VTI1A: variants seen among roughly 807,000 people sequenced by gnomAD.
VTI1A encodes the protein vesicle transport through interaction with t-SNAREs homolog 1A.
VTI1A carries 22 observed loss-of-function variants against 34.9 expected under a neutral mutation model. The ratio of observed to expected loss-of-function variants is 0.63; its 90% confidence interval spans 0.45 to 0.90. VTI1A has a LOEUF of 0.90. VTI1A is among the 40% of genes least tolerant of loss of function. The pLI, the probability that VTI1A is intolerant of heterozygous loss-of-function variation, is 0.00. For synonymous variants in VTI1A, 87 were observed against 97.3 expected (o/e 0.89, Z 0.62); for missense variants, 268 against 275.6 (o/e 0.97, Z 0.20).
intron 7 of VTI1A, chr10:112,737,105 C>T: frequency 3.2e-6 from 1 of 311,486 alleles, no homozygotes; most frequent in East Asian, 4.9e-5. Context: ...AGAGTCTTGC[C>T]CTGTCGCCTG....
At chr10:112,536,994 G>T (rs1337029459) in intron 4 of VTI1A, among the ~76,000 whole-genome samples, 1 of 152,072 alleles carries the variant, frequency 6.6e-6, no homozygotes, top group African/African-American at 2.4e-5. Context: ...AAGTGTGCAT[G>T]TCAATACAGC....
chr10:112,505,343 A>G lies in VTI1A; in HGVS notation c.265-21744A>G, dbSNP rs77268654. 1.7e-3 allele frequency among the ~76,000 whole-genome samples: 253 copies of G among 152,222 alleles called. 1 individual carries two copies. The highest frequency in any genetic ancestry group is 5.7e-3 in the African/African-American group (237 of 41,566). ...GATTTCTATATTTTAATTTTGTAGC[A>G]TGCTACCGTATTAAATTCACTTATT... On this transcript the variant is annotated intron_variant, in intron 3 of 7. Coordinates refer to ENST00000393077, the MANE Select transcript of VTI1A (RefSeq NM_145206.4).
chr10:112,815,982 A>G lies in VTI1A; in HGVS notation c.*599A>G. On this transcript the variant is annotated 3_prime_UTR_variant, in exon 8 of 8. Transcript: ENST00000393077. ...AGCACTTTCCCTGTTTTTCTATTGC[A>G]TAATTTTTTTTTTAACCCAAAGATA... The G allele has an allele frequency of 4.4e-6, 1 of 227,828 alleles. No homozygotes were observed. Among genetic ancestry groups the G allele is most frequent in the East Asian group, 6.3e-5 (1 of 15,846 alleles). 14.1% of individuals were successfully genotyped at this position (227,828 alleles called of 1,614,324 possible). A position where few individuals can be genotyped will look rare whatever the true frequency, so the allele number is the denominator to read the frequency against.
At chr10:112,464,988 A>C (rs1293052514) in intron 3 of VTI1A, among the ~76,000 whole-genome samples, 1 of 152,172 alleles carries the variant, frequency 6.6e-6, no homozygotes, top group Non-Finnish European at 1.5e-5. Context: ...CAGCCTGTAC[A>C]TTTGCAGCTT....
At chr10:112,703,566 C>G (rs1331046935) in intron 7 of VTI1A, among the ~76,000 whole-genome samples, 1 of 143,620 alleles carries the variant, frequency 7.0e-6, no homozygotes, top group African/African-American at 2.6e-5. Context: ...AACTCTGTCT[C>G]AAAAAAAAAA....
At chr10:112,587,706 A>G (rs568446891) in intron 5 of VTI1A, among the ~76,000 whole-genome samples, 1 of 152,278 alleles carries the variant, frequency 6.6e-6, no homozygotes, top group African/African-American at 2.4e-5. Context: ...TACAGATACA[A>G]TTAGAACTAA....
intron 7 of VTI1A, among the ~76,000 whole-genome samples, chr10:112,753,882 G>A (rs546450740): frequency 2.6e-4 from 39 of 152,262 alleles, no homozygotes; most frequent in African/African-American, 8.9e-4. Flanking sequence ...CTTTAGGTCA[G>A]AATGAATCAA....
chr10:112,466,262 A>T (rs923481146), intron 3 of VTI1A, among the ~76,000 whole-genome samples: 4 of 152,210 alleles, frequency 2.6e-5, no homozygotes, highest in Admixed American at 6.5e-5. Context: ...TGTAAGACCA[A>T]CATCAATGGA....
chr10:112,779,828 G>A (rs755555589), intron 7 of VTI1A, among the ~76,000 whole-genome samples: 1 of 152,090 alleles, frequency 6.6e-6, no homozygotes, highest in Non-Finnish European at 1.5e-5. Flanking sequence ...ATTTTTCAAC[G>A]TTATTATTAA....
chr10:112,728,891 T>C (rs1850143227), intron 7 of VTI1A, among the ~76,000 whole-genome samples: 1 of 152,120 alleles, frequency 6.6e-6, no homozygotes, highest in Non-Finnish European at 1.5e-5. Flanking sequence ...GCCTAAGAGA[T>C]CAATGTTTTT....
chr10:112,517,712 AT>A (rs1163020222), intron 3 of VTI1A, among the ~76,000 whole-genome samples: 3 of 152,092 alleles, frequency 2.0e-5, no homozygotes. Context: ...TATGACTCCA[AT>A]CTAGTCATGA....
chr10:112,744,646 C>T (rs7086477), intron 7 of VTI1A, among the ~76,000 whole-genome samples: 11,353 of 151,924 alleles, frequency 0.075, 788 homozygotes, highest in East Asian at 0.27. Flanking sequence ...GGTCTTGCTG[C>T]GTTGCCAGGG....
At chr10:112,615,049 T>C (rs181799276) in intron 5 of VTI1A, among the ~76,000 whole-genome samples, 12 of 152,278 alleles carry the variant, frequency 7.9e-5, no homozygotes, top group Admixed American at 7.8e-4. Context: ...AAATGGATCA[T>C]TGTTGAAATT....
chr10:112,464,764 C>A, intron 3 of VTI1A, 107 bp downstream of exon 3: 2 of 887,146 alleles, frequency 2.3e-6, no homozygotes, highest in Non-Finnish European at 1.8e-6. Context: ...ATGTAGAAGA[C>A]AAGTAACAGC....
intron 5 of VTI1A, among the ~76,000 whole-genome samples, chr10:112,637,425 T>G (rs1227855877): frequency 2.0e-5 from 3 of 152,176 alleles, no homozygotes; most frequent in African/African-American, 7.2e-5. Context: ...TCCCAGCACT[T>G]TGGGAGGCCA....
At chr10:112,609,453 CTG>C (rs1845208649) in intron 5 of VTI1A, among the ~76,000 whole-genome samples, 1 of 152,154 alleles carries the variant, frequency 6.6e-6, no homozygotes, top group African/African-American at 2.4e-5. Flanking sequence ...AGTGTAAACT[CTG>C]TGACGACAGG....
chr10:112,809,316 G>T (rs995528140), intron 7 of VTI1A, among the ~76,000 whole-genome samples: 1 of 152,158 alleles, frequency 6.6e-6, no homozygotes, highest in African/African-American at 2.4e-5. Context: ...GAATAGTAAC[G>T]TTGAATTGGA....
intron 6 of VTI1A, among the ~76,000 whole-genome samples, 187 bp downstream of exon 6, chr10:112,668,475 T>G (rs375694466): frequency 1.3e-5 from 2 of 152,118 alleles, no homozygotes; most frequent in African/African-American, 4.8e-5. Flanking sequence ...ATGTCCCCAT[T>G]CCAGAATGTT....
At chr10:112,619,427 C>T (rs940924455) in intron 5 of VTI1A, among the ~76,000 whole-genome samples, 12 of 152,070 alleles carry the variant, frequency 7.9e-5, no homozygotes, top group African/African-American at 2.9e-4. Context: ...AATGTGGGCC[C>T]TTGTGCTCAA....
Sources: gnomAD v4.1 joint callset for allele counts (sites outside exome capture counted in the v4.1 genomes callset) on GRCh38, gnomAD v4.1.1 for gene constraint, MANE v1.5 for transcripts, NCBI Gene and HGNC (gene_info 2026-07-23, HGNC 2026-07-21) for gene names.